DPP10: variants seen among roughly 807,000 people sequenced by gnomAD.
DPP10 encodes the protein dipeptidyl peptidase like 10.
Under a neutral mutation model 120.9 loss-of-function variants are expected in DPP10, and 33 were observed. The observed-to-expected ratio is 0.27, with a 90% confidence interval of 0.21 to 0.37. The LOEUF is 0.37. DPP10 is among the 10% of genes least tolerant of loss of function. DPP10 has a pLI of 1.00. For synonymous variants in DPP10, 337 were observed against 326.1 expected, an observed-to-expected ratio of 1.03 and a Z score of -0.36; for missense variants, 816 against 942.8, an observed-to-expected ratio of 0.87 and a Z score of 1.76.
intron 8 of DPP10, among the ~76,000 whole-genome samples, chr2:115,732,003 A>G (rs1416501088): frequency 6.6e-6 from 1 of 152,086 alleles, no homozygotes; most frequent in African/African-American, 2.4e-5. Context: ...CAAGCTCCAG[A>G]CCTTTTTTTT....
At chr2:114,734,693 G>A (rs527375779) in intron 1 of DPP10, among the ~76,000 whole-genome samples, 34 of 151,992 alleles carry the variant, frequency 2.2e-4, no homozygotes, top group Non-Finnish European at 4.0e-4. Context: ...TCTTTTTGTC[G>A]GCAAAAGATT....
chr2:115,396,848 C>T (rs2421101), intron 3 of DPP10, among the ~76,000 whole-genome samples: 60,509 of 151,838 alleles, frequency 0.4, 14,711 homozygotes, highest in Non-Finnish European at 0.54. Flanking sequence ...AAAGGAAAAA[C>T]GAACCAAGGA....
At chr2:115,024,709 G>A (rs1250522655) in intron 1 of DPP10, among the ~76,000 whole-genome samples, 2 of 146,690 alleles carry the variant, frequency 1.4e-5, no homozygotes, top group Non-Finnish European at 3.0e-5. Context: ...ATATATATTT[G>A]TTAAATATAT....
chr2:115,405,222 C>A (rs1009160769), intron 3 of DPP10, among the ~76,000 whole-genome samples: 1 of 152,118 alleles, frequency 6.6e-6, no homozygotes, highest in African/African-American at 2.4e-5. Flanking sequence ...ATTCTCCTTC[C>A]AAAAGGGAGA....
intron 1 of DPP10, among the ~76,000 whole-genome samples, chr2:114,614,549 C>A (rs1283406536): frequency 6.6e-6 from 1 of 152,140 alleles, no homozygotes; most frequent in Non-Finnish European, 1.5e-5. Context: ...ATCTAATTAA[C>A]CTTTAATTGT....
chr2:115,533,634 G>C (rs1167397351), intron 5 of DPP10, among the ~76,000 whole-genome samples: 2 of 152,012 alleles, frequency 1.3e-5, no homozygotes, highest in East Asian at 3.9e-4. Context: ...TTCTGGGGGA[G>C]TACATAATCT....
At chr2:115,662,404 A>G (rs1293616683) in intron 5 of DPP10, among the ~76,000 whole-genome samples, 1 of 151,162 alleles carries the variant, frequency 6.6e-6, no homozygotes, top group Non-Finnish European at 1.5e-5. Context: ...GTTGTATCAT[A>G]AGATAGCTCT....
rs576927710 is a variant in DPP10 at position 115,276,692 on chromosome 2, A to G, written c.61-32547A>G. Among the ~76,000 whole-genome samples the G allele has an allele frequency of 3.9e-5, 6 of 152,226 alleles. No individual in the cohort carries two copies. In the South Asian group the frequency reaches 1.2e-3, roughly 32 times the overall value. The stretch of plus-strand genomic sequence containing the variant: ...TTTGTAAGATATCCAATGAGATACA[A>G]TCATCTTTATTGGTGGCACTGTAAA... On this transcript the variant is annotated intron_variant, in intron 1 of 25. Coordinates refer to ENST00000410059, the MANE Select transcript of DPP10 (RefSeq NM_020868.6).
At chr2:114,703,028 A>T (rs760534563) in intron 1 of DPP10, among the ~76,000 whole-genome samples, 1 of 152,116 alleles carries the variant, frequency 6.6e-6, no homozygotes, top group Non-Finnish European at 1.5e-5. Context: ...GGGGATATAC[A>T]TTGGCAGAGA....
chr2:114,492,499 C>T (rs1262656487), intron 1 of DPP10, among the ~76,000 whole-genome samples: 1 of 152,038 alleles, frequency 6.6e-6, no homozygotes, highest in Non-Finnish European at 1.5e-5. Flanking sequence ...AAGAATTATG[C>T]AATGGGCATT....
intron 7 of DPP10, among the ~76,000 whole-genome samples, chr2:115,711,916 G>GT (rs1245249118): frequency 0.032 from 1,427 of 44,662 alleles, 43 homozygotes; most frequent in African/African-American, 0.083. Flanking sequence ...AAATGGTCTG[G>GT]TTTTTTTTTT....
chr2:114,452,391 A>C (rs770928650), intron 1 of DPP10, among the ~76,000 whole-genome samples: 13 of 152,130 alleles, frequency 8.5e-5, no homozygotes, highest in Non-Finnish European at 1.2e-4. Context: ...GGCTCACACC[A>C]TTTTCCAGAA....
chr2:115,195,674 T>C (rs1267957761), intron 1 of DPP10, among the ~76,000 whole-genome samples: 1 of 152,222 alleles, frequency 6.6e-6, no homozygotes, highest in Non-Finnish European at 1.5e-5. Context: ...TTGTGGACCT[T>C]TTTTGTTCAT....
At chr2:114,641,004 A>T (rs908287147) in intron 1 of DPP10, among the ~76,000 whole-genome samples, 3 of 151,874 alleles carry the variant, frequency 2.0e-5, no homozygotes, top group Non-Finnish European at 4.4e-5. Flanking sequence ...TTAGTTTCCT[A>T]TCTGGTTTGA....
At chr2:114,737,566 G>A (rs187858737) in intron 1 of DPP10, among the ~76,000 whole-genome samples, 206 of 152,304 alleles carry the variant, frequency 1.4e-3, no homozygotes, top group African/African-American at 3.4e-3. Flanking sequence ...TCAATAGGAA[G>A]CATCCTCCTT....
intron 3 of DPP10, among the ~76,000 whole-genome samples, chr2:115,451,912 G>A (rs1419933338): frequency 6.8e-6 from 1 of 147,114 alleles, no homozygotes; most frequent in African/African-American, 2.5e-5. Context: ...CTGTGTCTGT[G>A]TATCTGTGTT....
rs1700602412 is a variant in DPP10, at chr2:114,704,988, C to T, written c.60+262150C>T. 2.0e-5 allele frequency among the ~76,000 whole-genome samples: 3 copies of T among 152,136 alleles called. 1 individual carries two copies. The highest frequency in any genetic ancestry group is 2.0e-4 in the Admixed American group (3 of 15,270). ...CATCTACAAGCCAATGAGGGAGCCC[C>T]TCCCCAAAACCAACCCTGCCAATGC... On this transcript the variant is annotated intron_variant, in intron 1 of 25. Transcript: ENST00000410059.
At chr2:114,519,130 G>A (rs10221963) in intron 1 of DPP10, among the ~76,000 whole-genome samples, 4,798 of 152,212 alleles carry the variant, frequency 0.032, 224 homozygotes, top group African/African-American at 0.1. Context: ...TTTCCTTAGC[G>A]AAAAGGAAAA....
At chr2:115,566,933 T>C (rs189100703) in intron 5 of DPP10, among the ~76,000 whole-genome samples, 2 of 152,304 alleles carry the variant, frequency 1.3e-5, no homozygotes, top group Admixed American at 1.3e-4. Flanking sequence ...ACTTTAACAT[T>C]GAGAAACCTG....
Sources: gnomAD v4.1 joint callset for allele counts (sites outside exome capture counted in the v4.1 genomes callset) on GRCh38, gnomAD v4.1.1 for gene constraint, MANE v1.5 for transcripts, NCBI Gene and HGNC (gene_info 2026-07-23, HGNC 2026-07-21) for gene names.